TNKS2: variants seen among roughly 807,000 people sequenced by gnomAD.
The protein encoded by TNKS2 is tankyrase 2, also known as poly [ADP-ribose] polymerase tankyrase-2.
A neutral mutation model predicts 137.6 loss-of-function variants in TNKS2; 72 were observed. That is an observed-to-expected ratio of 0.52 (90% CI 0.43 to 0.64). The LOEUF is 0.64. TNKS2 is among the 30% of genes least tolerant of loss of function. The pLI is 0.00. For synonymous variants in TNKS2, 516 were observed against 512.1 expected (o/e 1.01, Z -0.10); for missense variants, 1,049 against 1,410.2 (o/e 0.74, Z 4.10).
Position 91,822,422 on chromosome 10 carries a change from C to T in TNKS2, c.795+60C>T, listed in dbSNP as rs988358772. ...GAGTTATATAAAATAACTTGAAATACATTAGTATGTCTGGGTTTCTTTTTA... is the reference window on the plus strand; with the variant it reads ...GAGTTATATAAAATAACTTGAAATATATTAGTATGTCTGGGTTTCTTTTTA... On this transcript the variant is annotated intron_variant, in intron 7 of 26. Coordinates refer to ENST00000371627, the MANE Select transcript of TNKS2 (RefSeq NM_025235.4). 11 of 1,315,888 alleles carry T rather than the reference C, an allele frequency of 8.4e-6. No individual in the cohort carries two copies. In the African/African-American group the frequency reaches 1.2e-4, roughly 14 times the overall value. 81.5% of individuals were successfully genotyped at this position (1,315,888 alleles called of 1,614,324 possible).
In TNKS2 at chr10:91,862,919, T is replaced by C. The variant is rs934778710; in HGVS notation, c.3439-18T>C. On this transcript the variant is annotated intron_variant, in intron 26 of 26. Transcript: ENST00000371627. The stretch of plus-strand genomic sequence containing the variant: ...GAAAATTTTTGTACCATTATTTGAA[T>C]TTATCTTTCTCTTCCAGGCTTATCC... 6.3e-7 allele frequency: 1 copy of C among 1,584,414 alleles called. No individual in the cohort carries two copies. Among genetic ancestry groups the C allele is most frequent in the Non-Finnish European group, 8.6e-7 (1 of 1,159,826 alleles).
At chr10:91,833,151 A>G (rs1249807281) in intron 11 of TNKS2, among the ~76,000 whole-genome samples, 2 of 152,188 alleles carry the variant, frequency 1.3e-5, no homozygotes, top group African/African-American at 4.8e-5. Context: ...ACTCCTGTAG[A>G]GATATAGAAC....
rs751359159 is a variant in TNKS2 at position 91,851,218 on chromosome 10, C to A, written c.2697C>A (p.Ile899=). ...HLMDIFEREQ[I]TLDVLVEMGH... Reference sequence around the variant, plus strand: ...GTAGTTTCCTCCTCTTTTGTAAGATCACTTTGGATGTATTAGTTGAGATGG... The same window carrying A: ...GTAGTTTCCTCCTCTTTTGTAAGATAACTTTGGATGTATTAGTTGAGATGG... Residue 899 remains isoleucine (I), a splice_region_variant and synonymous_variant, in exon 21 of 27, where the codon ATC becomes ATA. Coordinates refer to ENST00000371627, the MANE Select transcript of TNKS2 (RefSeq NM_025235.4). The A allele has an allele frequency of 2.5e-6, 4 of 1,613,040 alleles. No homozygotes were observed. In the Admixed American group the frequency reaches 6.7e-5, roughly 27 times the overall value.
At chr10:91,860,366 T>C (rs1842821344) in intron 25 of TNKS2, among the ~76,000 whole-genome samples, 1 of 152,200 alleles carries the variant, frequency 6.6e-6, no homozygotes, top group South Asian at 2.1e-4. Flanking sequence ...TTAGCATGCA[T>C]TAGAGTCACC....
intron 3 of TNKS2, among the ~76,000 whole-genome samples, chr10:91,817,587 T>A (rs1181932561): frequency 6.6e-6 from 1 of 152,158 alleles, no homozygotes; most frequent in Non-Finnish European, 1.5e-5. Context: ...AACCCAAACT[T>A]CAAAACACTT....
At chr10:91,849,444 T>C in intron 19 of TNKS2, 68 bp from the exon 20 acceptor site, 2 of 1,225,474 alleles carry the variant, frequency 1.6e-6, no homozygotes, top group Non-Finnish European at 2.4e-6. Flanking sequence ...AAGACTTTAC[T>C]GTTATAGTGA....
At chr10:91,842,116 G>A (rs1842224507) in intron 15 of TNKS2, 56 bp from the exon 16 acceptor site, 1 of 1,269,940 alleles carries the variant, frequency 7.9e-7, no homozygotes, top group Non-Finnish European at 1.1e-6. Flanking sequence ...TTTTCTCATT[G>A]ACCAAAGGCA....
chr10:91,854,058 T>G (rs1207294446), intron 21 of TNKS2, among the ~76,000 whole-genome samples: 1 of 152,210 alleles, frequency 6.6e-6, no homozygotes. Context: ...CATTGACATT[T>G]GGAAAACACA....
At chr10:91,829,315 T>A (rs1162309120) in intron 9 of TNKS2, among the ~76,000 whole-genome samples, 2 of 151,542 alleles carry the variant, frequency 1.3e-5, no homozygotes, top group Admixed American at 6.6e-5. Context: ...TGTAGACTAA[T>A]AAGAAATGCT....
chr10:91,830,634 G>A (rs1472363495), intron 9 of TNKS2, among the ~76,000 whole-genome samples: 6 of 152,172 alleles, frequency 3.9e-5, no homozygotes, highest in Non-Finnish European at 5.9e-5. Flanking sequence ...AAGGATATTG[G>A]TCACATTAAG....
chr10:91,815,067 G>T (rs1844639378), intron 2 of TNKS2, among the ~76,000 whole-genome samples: 2 of 136,214 alleles, frequency 1.5e-5, no homozygotes, highest in African/African-American at 5.8e-5. Flanking sequence ...TTGAGAATTT[G>T]TATTAACCTG....
Position 91,845,744 on chromosome 10 carries a change from T to C in TNKS2, c.2170-8T>C. 6.7e-7 allele frequency: 1 copy of C among 1,502,608 alleles called. No individual in the cohort carries two copies. Among genetic ancestry groups the C allele is most frequent in the Non-Finnish European group, 9.0e-7 (1 of 1,113,136 alleles). The allele number at this position is 1,502,608 out of a possible 1,614,324, so 93.1% of individuals were successfully genotyped here. On this transcript the variant is annotated splice_polypyrimidine_tract_variant and splice_region_variant and intron_variant, in intron 17 of 26. Coordinates refer to ENST00000371627, the MANE Select transcript of TNKS2 (RefSeq NM_025235.4). ...ATTTCAGACTGTAACGGGTATTTTC[T>C]TTTACAGCATGTAGATGTAGCAGCT...
At chr10:91,823,382 C>T (rs1218924056) in intron 7 of TNKS2, among the ~76,000 whole-genome samples, 1 of 136,124 alleles carries the variant, frequency 7.3e-6, no homozygotes, top group African/African-American at 2.7e-5. Context: ...GGCTGGAGTG[C>T]AGTGGCGCAA....
intron 18 of TNKS2, among the ~76,000 whole-genome samples, chr10:91,847,989 A>G (rs1370883299): frequency 6.6e-6 from 1 of 152,356 alleles, no homozygotes; most frequent in Admixed American, 6.5e-5. Context: ...TTATATTTTA[A>G]TAACAGTTTA....
At chr10:91,857,373 A>T in intron 23 of TNKS2, 52 bp from the exon 24 acceptor site, 1 of 1,311,078 alleles carries the variant, frequency 7.6e-7, no homozygotes, top group Non-Finnish European at 1.1e-6. Context: ...TTAGATGAAG[A>T]AGTCAGTAAG....
At chr10:91,838,588 A>G (rs998110150) in intron 13 of TNKS2, among the ~76,000 whole-genome samples, 1 of 152,186 alleles carries the variant, frequency 6.6e-6, no homozygotes, top group African/African-American at 2.4e-5. Context: ...TACCAAACCA[A>G]GCAGCACCTG....
chr10:91,831,835 T>G (rs1009510508), intron 11 of TNKS2, among the ~76,000 whole-genome samples: 1 of 152,102 alleles, frequency 6.6e-6, no homozygotes, highest in Non-Finnish European at 1.5e-5. Flanking sequence ...AATTCAGCAG[T>G]TTTTACAGTT....
chr10:91,835,569 A>AT lies in TNKS2; in HGVS notation c.1448-1349dup, dbSNP rs141707468. Among the ~76,000 whole-genome samples, 290 of 142,634 alleles carry AT rather than the reference A, an allele frequency of 2.0e-3. 1 individual carries two copies. The highest frequency in any genetic ancestry group is 7.2e-3 in the African/African-American group (277 of 38,622). The allele number at this position is 142,634 out of a possible 152,430, so 93.6% of individuals were successfully genotyped here. On this transcript the variant is annotated intron_variant, in intron 12 of 26. Coordinates refer to ENST00000371627, the MANE Select transcript of TNKS2 (RefSeq NM_025235.4). ...CTCCCAAAGTGCTGGGATTACAGGC[A>AT]TGAGCCACCATGCCCGGCCTTTCTT...
chr10:91,825,034 C>A lies in TNKS2; in HGVS notation c.796-1983C>A, dbSNP rs1186634302. 2.0e-5 allele frequency among the ~76,000 whole-genome samples: 3 copies of A among 152,180 alleles called. No homozygotes were observed. The East Asian group carries it at 5.8e-4, about 29-fold the overall frequency. ...ATGGATGCACTGTACTCTGCACACC[C>A]AAACCACACTGGAATCTGTGATTTT... On this transcript the variant is annotated intron_variant, in intron 7 of 26. Coordinates refer to ENST00000371627, the MANE Select transcript of TNKS2 (RefSeq NM_025235.4).
Sources: gnomAD v4.1 joint callset for allele counts (sites outside exome capture counted in the v4.1 genomes callset) on GRCh38, gnomAD v4.1.1 for gene constraint, MANE v1.5 for transcripts, NCBI Gene and HGNC (gene_info 2026-07-23, HGNC 2026-07-21) for gene names.